The following BMPER variants were observed in gnomAD, a reference collection of about 807,000 sequenced individuals.
BMPER encodes the protein BMP-binding endothelial regulator protein.
A neutral mutation model predicts 87.3 loss-of-function variants in BMPER; 45 were observed. The ratio of observed to expected loss-of-function variants is 0.52; its 90% CI spans 0.41 to 0.66. The LOEUF is 0.66. Ranked by LOEUF, BMPER falls within the 30% of genes least tolerant of loss-of-function variation. The pLI, the probability that BMPER is intolerant of heterozygous loss-of-function variation, is 0.00. For missense variants in BMPER, 784 were observed against 867.5 expected, an observed-to-expected ratio of 0.90 and a Z score of 1.21; for synonymous variants, 326 against 316.2, an observed-to-expected ratio of 1.03 and a Z score of -0.33.
chr7:33,938,118 C>G (rs1784656384), intron 3 of BMPER, among the ~76,000 whole-genome samples: 2 of 152,168 alleles, frequency 1.3e-5, no homozygotes, highest in African/African-American at 4.8e-5. Context: ...GTGATTTTCC[C>G]CCTCTGTGGT....
rs1352601778 is a variant in BMPER at position 33,905,552 on chromosome 7, G to C, written c.-62G>C. Reference sequence around the variant, plus strand: ...AGAGCCCTTTTCGACTGTGAGCTGCGGCAGCTGAGCAGAGGCGGCGGCGCG... The same window carrying C: ...AGAGCCCTTTTCGACTGTGAGCTGCCGCAGCTGAGCAGAGGCGGCGGCGCG... On this transcript the variant is annotated 5_prime_UTR_variant, in exon 1 of 15. Coordinates refer to ENST00000649409, the MANE Select transcript of BMPER (RefSeq NM_001365308.1). The C allele has an allele frequency of 1.3e-6, 2 of 1,598,130 alleles. No individual in the cohort carries two copies. The highest frequency in any genetic ancestry group is 1.7e-6 in the Non-Finnish European group (2 of 1,177,500).
intron 4 of BMPER, among the ~76,000 whole-genome samples, chr7:33,967,807 A>G (rs1785440911): frequency 6.6e-6 from 1 of 152,244 alleles, no homozygotes; most frequent in South Asian, 2.1e-4. Context: ...AGCCATGGTT[A>G]CAATGCTAAA....
intron 11 of BMPER, among the ~76,000 whole-genome samples, chr7:34,067,904 A>T (rs181505301): frequency 6.6e-6 from 1 of 152,348 alleles, no homozygotes; most frequent in Admixed American, 6.5e-5. Flanking sequence ...GAGTTGAAGG[A>T]GACTGAAGTT....
At position 34,085,625 on chromosome 7, in the gene BMPER, A is replaced by G. The variant is rs866778580; in HGVS notation, c.1409-131A>G. 4.6e-6 allele frequency: 4 copies of G among 869,328 alleles called. No individual in the cohort carries two copies. The African/African-American group carries it at 6.7e-5, about 14-fold the overall frequency. 53.9% of individuals were successfully genotyped at this position (869,328 alleles called of 1,614,324 possible). On this transcript the variant is annotated intron_variant, in intron 12 of 14. Coordinates refer to ENST00000649409, the MANE Select transcript of BMPER (RefSeq NM_001365308.1). Reference sequence around the variant, plus strand: ...TAGTGAGATTAAGAGGTAACCAAGAATTTGGACCAACCCTTGGTGCTCCTT... The same window carrying G: ...TAGTGAGATTAAGAGGTAACCAAGAGTTTGGACCAACCCTTGGTGCTCCTT...
intron 7 of BMPER, among the ~76,000 whole-genome samples, chr7:34,049,769 TACTC>T (rs1210672733): frequency 6.6e-6 from 1 of 152,184 alleles, no homozygotes; most frequent in East Asian, 1.9e-4. Context: ...TAAAAAAAAT[TACTC>T]AACTGAAGCA....
chr7:34,117,166 T>C (rs750479230), intron 13 of BMPER, among the ~76,000 whole-genome samples: 29 of 152,290 alleles, frequency 1.9e-4, no homozygotes, highest in South Asian at 4.1e-4. Context: ...TCTACCCTTA[T>C]GTTTTTGGAA....
At chr7:34,118,597 G>A (rs1790176867) in intron 13 of BMPER, among the ~76,000 whole-genome samples, 1 of 152,212 alleles carries the variant, frequency 6.6e-6, no homozygotes, top group East Asian at 1.9e-4. Flanking sequence ...TTTTCTGGAC[G>A]GTGGATGAAT....
chr7:34,049,908 G>A (rs961572572), intron 7 of BMPER, among the ~76,000 whole-genome samples: 4 of 152,040 alleles, frequency 2.6e-5, no homozygotes, highest in African/African-American at 7.2e-5. Flanking sequence ...AAAAATAACT[G>A]CTCATTCATA....
chr7:34,015,435 A>G (rs1786995130), intron 6 of BMPER, among the ~76,000 whole-genome samples: 1 of 151,988 alleles, frequency 6.6e-6, no homozygotes, highest in Non-Finnish European at 1.5e-5. Context: ...AAGTAAATCT[A>G]TGCCTGTGAG....
intron 6 of BMPER, among the ~76,000 whole-genome samples, chr7:34,002,213 T>C (rs1439201365): frequency 4.0e-5 from 6 of 151,798 alleles, no homozygotes; most frequent in Admixed American, 3.9e-4. Flanking sequence ...TTTAGGACTT[T>C]ATGATGGTGA....
intron 12 of BMPER, among the ~76,000 whole-genome samples, chr7:34,079,538 G>A (rs955140839): frequency 6.6e-6 from 1 of 152,174 alleles, no homozygotes; most frequent in African/African-American, 2.4e-5. Context: ...CTTTTAGGCC[G>A]TCGATGCCCA....
chr7:34,025,595 T>C (rs1299454393), intron 6 of BMPER, among the ~76,000 whole-genome samples: 2 of 151,974 alleles, frequency 1.3e-5, no homozygotes, highest in Non-Finnish European at 2.9e-5. Context: ...GCAGTGGTTG[T>C]AGGTCTCGGA....
rs539346769 is a variant in BMPER at position 34,045,339 on chromosome 7, G to T, written c.577-967G>T. 8.9e-3 allele frequency among the ~76,000 whole-genome samples: 1,348 copies of T among 152,298 alleles called. 18 individuals carry two copies. Among genetic ancestry groups the T allele is most frequent in the African/African-American group, 0.031 (1,276 of 41,562 alleles). ...GGAAAACCTTTTTATTTCTACCCCA[G>T]CTTTCTGAATATGAAGTTACAACTT... On this transcript the variant is annotated intron_variant, in intron 6 of 14. Transcript: ENST00000649409.
intron 6 of BMPER, among the ~76,000 whole-genome samples, chr7:34,017,757 A>G (rs535726465): frequency 1.4e-4 from 21 of 152,018 alleles, no homozygotes; most frequent in African/African-American, 4.6e-4. Context: ...CTACACTTCA[A>G]GGAGTTCCCA....
chr7:33,988,449 T>C (rs975269831), intron 6 of BMPER, among the ~76,000 whole-genome samples: 13 of 152,072 alleles, frequency 8.5e-5, no homozygotes, highest in African/African-American at 3.1e-4. Context: ...AAACATCAGA[T>C]TGTAAGAGAA....
At chr7:33,950,781 G>T (rs1785001101) in intron 3 of BMPER, among the ~76,000 whole-genome samples, 1 of 152,110 alleles carries the variant, frequency 6.6e-6, no homozygotes, top group Admixed American at 6.5e-5. Context: ...CACAAAGTAG[G>T]TGTATCAGGG....
intron 6 of BMPER, among the ~76,000 whole-genome samples, chr7:33,979,348 C>G (rs182616924): frequency 6.6e-5 from 10 of 151,432 alleles, no homozygotes; most frequent in South Asian, 4.2e-4. Context: ...CCACCACCCC[C>G]CTGCAACTCC....
chr7:34,007,134 C>T (rs1786756221), intron 6 of BMPER, among the ~76,000 whole-genome samples: 1 of 151,986 alleles, frequency 6.6e-6, no homozygotes, highest in Non-Finnish European at 1.5e-5. Context: ...AAGATAAAAT[C>T]ATAGGACCTT....
chr7:33,995,422 G>A (rs1786378501), intron 6 of BMPER, among the ~76,000 whole-genome samples: 1 of 152,062 alleles, frequency 6.6e-6, no homozygotes, highest in Non-Finnish European at 1.5e-5. Flanking sequence ...CAATAAAATA[G>A]GACAATGTTG....
Sources: allele counts gnomAD v4.1 joint callset (sites outside exome capture counted in the v4.1 genomes callset), GRCh38; gene constraint gnomAD v4.1.1; transcripts MANE v1.5; gene names NCBI Gene and HGNC (gene_info 2026-07-23, HGNC 2026-07-21).